Variants in ANO6 observed in about 807,000 individuals in gnomAD.
ANO6 encodes anoctamin 6.
A neutral mutation model predicts 117.5 loss-of-function variants in ANO6; 106 were observed. The observed-to-expected ratio is 0.90, with a 90% CI of 0.77 to 1.06. ANO6 has a LOEUF of 1.06. Ranked by LOEUF, ANO6 falls within the 50% of genes least tolerant of loss-of-function variation. The probability of loss-of-function intolerance (pLI) is 0.00; values close to 1 mark genes in which losing one functional copy is unlikely to be tolerated. For missense variants in ANO6, 955 were observed against 1,121.1 expected (o/e 0.85, Z 2.12); for synonymous variants, 367 against 385.1 (o/e 0.95, Z 0.55).
chr12:45,424,327 GTT>G lies in ANO6; in HGVS notation c.2526+1292_2526+1293del, dbSNP rs66945216. 7.3e-4 allele frequency among the ~76,000 whole-genome samples: 59 copies of G among 81,268 alleles called. 2 individuals are homozygous for G. Among genetic ancestry groups the G allele is most frequent in the African/African-American group, 2.2e-3 (45 of 20,284 alleles). 53.3% of individuals were successfully genotyped at this position (81,268 alleles called of 152,430 possible). ...AGAGAGAGGGAAAACTAGGTGATGG[GTT>G]TTTTTTTTTTTTTTTTTTTTTTTTT... On this transcript the variant is annotated intron_variant, in intron 19 of 19. Transcript: ENST00000320560.
intron 2 of ANO6, among the ~76,000 whole-genome samples, chr12:45,330,745 C>T (rs1239378481): frequency 1.3e-5 from 2 of 152,028 alleles, no homozygotes; most frequent in African/African-American, 4.8e-5. Context: ...ACACCAATGA[C>T]TAGTGCAGCT....
intron 19 of ANO6, among the ~76,000 whole-genome samples, chr12:45,424,083 TAGTATCTGACTCATGTC>T (rs1034725347): frequency 1.6e-4 from 25 of 152,096 alleles, no homozygotes; most frequent in Non-Finnish European, 2.9e-4. Flanking sequence ...AACTCACGGT[TAGTATCTGACTCATGTC>T]AGTATCTGAC....
chr12:45,367,550 G>GT lies in ANO6; in HGVS notation c.999-134dup, dbSNP rs1392091214. On this transcript the variant is annotated intron_variant, in intron 8 of 19. Transcript: ENST00000320560. ...TTTTTAATGAATTTTATGTAACAAAGTTTTATGTAACAGAAGTTCACTTCT... is the reference window on the plus strand; with the variant it reads ...TTTTTAATGAATTTTATGTAACAAAGTTTTTATGTAACAGAAGTTCACTTCT... 1.1e-5 allele frequency: 7 copies of GT among 660,932 alleles called. No individual in the cohort carries two copies. In the East Asian group the frequency reaches 1.9e-4, roughly 18 times the overall value. The allele number at this position is 660,932 out of a possible 1,614,324, so 40.9% of individuals were successfully genotyped here.
chr12:45,420,973 C>T (rs1423277659), intron 17 of ANO6, 98 bp from the exon 18 acceptor site: 18 of 1,330,310 alleles, frequency 1.4e-5, no homozygotes, highest in South Asian at 1.1e-4. Flanking sequence ...TGCAGTGAGC[C>T]GAGATCGTGC....
In ANO6 at chr12:45,409,599, G is replaced by C. The variant is rs73281581; in HGVS notation, c.2011+112G>C. ...ACATTTAGCATATTGAAATGAAGAA[G>C]AGTATGTTTTTCTCCACTAGATAAA... On this transcript the variant is annotated intron_variant, in intron 16 of 19. Transcript: ENST00000320560. 2.7e-3 allele frequency: 3,540 copies of C among 1,313,206 alleles called. 67 individuals are homozygous for C. In the African/African-American group the frequency reaches 0.046, roughly 17 times the overall value. 81.3% of individuals were successfully genotyped at this position (1,313,206 alleles called of 1,614,324 possible).
At position 45,245,421 on chromosome 12, in the gene ANO6, T is replaced by A. The variant is rs894179119; in HGVS notation, c.70+29030T>A. 3.2e-4 allele frequency among the ~76,000 whole-genome samples: 43 copies of A among 136,046 alleles called. No homozygotes were observed. The East Asian group carries it at 6.3e-3, about 20-fold the overall frequency. 89.3% of individuals were successfully genotyped at this position (136,046 alleles called of 152,430 possible). A position where few individuals can be genotyped will look rare whatever the true frequency, so the allele number is the denominator to read the frequency against. ...TCTGTCTTAAAAAACAAAAAACTGA[T>A]TTTTTTTTTTTTTTTTGTGGGGAGA... On this transcript the variant is annotated intron_variant, in intron 1 of 19. Transcript: ENST00000320560.
At chr12:45,228,304 T>C (rs1025428500) in intron 1 of ANO6, 1 of 311,132 alleles carries the variant, frequency 3.2e-6, no homozygotes, top group South Asian at 2.4e-5. Flanking sequence ...TTTTTTTTTT[T>C]TTTTTTTTTT....
intron 1 of ANO6, among the ~76,000 whole-genome samples, chr12:45,296,358 T>C (rs974726834): frequency 1.3e-5 from 2 of 152,194 alleles, no homozygotes; most frequent in African/African-American, 4.8e-5. Flanking sequence ...GGTTAGATTC[T>C]GTACCCTCCT....
At chr12:45,390,614 A>T (rs544449625) in intron 12 of ANO6, 116 bp downstream of exon 12, 1 of 935,502 alleles carries the variant, frequency 1.1e-6, no homozygotes, top group South Asian at 1.4e-5. Flanking sequence ...TGGAAACTAT[A>T]TGGTCTCAGA....
rs534382350 is a variant in ANO6 at position 45,360,582 on chromosome 12, G to A, written c.998+3158G>A. Among the ~76,000 whole-genome samples, 3 of 152,256 alleles carry A rather than the reference G, an allele frequency of 2.0e-5. No individual in the cohort carries two copies. The South Asian group carries it at 6.2e-4, about 32-fold the overall frequency. On this transcript the variant is annotated intron_variant, in intron 8 of 19. Transcript: ENST00000320560. ...GGATTGTGTTTTCACTTTCCTAATAGCATCCTTTGAAACAAAATTATTTTT... is the reference window on the plus strand; with the variant it reads ...GGATTGTGTTTTCACTTTCCTAATAACATCCTTTGAAACAAAATTATTTTT...
intron 1 of ANO6, among the ~76,000 whole-genome samples, chr12:45,240,465 C>T (rs1293675729): frequency 7.0e-6 from 1 of 143,712 alleles, no homozygotes; most frequent in Non-Finnish European, 1.5e-5. Context: ...AGATGGGTCT[C>T]CTGAATTCAG....
intron 8 of ANO6, among the ~76,000 whole-genome samples, chr12:45,363,017 G>A (rs959712124): frequency 1.3e-5 from 2 of 151,936 alleles, no homozygotes; most frequent in African/African-American, 4.8e-5. Context: ...GTGGATTTGA[G>A]TTACTGTCAT....
rs1034811027 is a variant in ANO6, at chr12:45,285,472, G to A, written c.71-16542G>A. ...TAAAAAGGCTACCGAGGCCGGGGGC[G>A]GTGGCTCACGCCTGTAATCCCAGCA... On this transcript the variant is annotated intron_variant, in intron 1 of 19. Coordinates refer to ENST00000320560, the MANE Select transcript of ANO6 (RefSeq NM_001025356.3). Among the ~76,000 whole-genome samples the A allele has an allele frequency of 1.8e-4, 28 of 152,166 alleles. 1 individual carries two copies. Among genetic ancestry groups the A allele is most frequent in the African/African-American group, 6.3e-4 (26 of 41,442 alleles).
At chr12:45,308,048 A>ATT (rs1218638312) in intron 2 of ANO6, among the ~76,000 whole-genome samples, 4,666 of 68,798 alleles carry the variant, frequency 0.068, 983 homozygotes, top group East Asian at 0.33. Context: ...TGTGTGTGTA[A>ATT]TTTTTTTTTT....
rs937493056 is a variant in ANO6 at position 45,216,147 on chromosome 12, G to C, written c.-175G>C. 8.8e-6 allele frequency: 6 copies of C among 679,114 alleles called. No homozygotes were observed. The highest frequency in any genetic ancestry group is 1.5e-5 in the Non-Finnish European group (6 of 402,424). 42.1% of individuals were successfully genotyped at this position (679,114 alleles called of 1,614,324 possible). A position where few individuals can be genotyped will look rare whatever the true frequency, so the allele number is the denominator to read the frequency against. On this transcript the variant is annotated 5_prime_UTR_variant, in exon 1 of 20. Coordinates refer to ENST00000320560, the MANE Select transcript of ANO6 (RefSeq NM_001025356.3). ...GAGGCGTCCTCCGGCTCTGGGCTCC[G>C]GTCGGTGGGTGCCTCGGCTCGGCTT...
chr12:45,350,247 T>A (rs1038246591), intron 6 of ANO6, among the ~76,000 whole-genome samples: 1 of 152,224 alleles, frequency 6.6e-6, no homozygotes, highest in African/African-American at 2.4e-5. Context: ...TTGACCCTGC[T>A]GCTAACCAGC....
intron 1 of ANO6, among the ~76,000 whole-genome samples, chr12:45,243,542 A>G (rs1421450276): frequency 1.3e-5 from 2 of 151,712 alleles, no homozygotes; most frequent in East Asian, 1.9e-4. Flanking sequence ...ATGTTTTGTG[A>G]ATAATTTTTT....
chr12:45,424,794 C>G (rs1481519496), intron 19 of ANO6, among the ~76,000 whole-genome samples: 1 of 152,062 alleles, frequency 6.6e-6, no homozygotes, highest in Non-Finnish European at 1.5e-5. Context: ...CTTGAGATTC[C>G]TGGATAAGCC....
In ANO6 at chr12:45,333,427, G is replaced by C. The variant is rs1940732732; in HGVS notation, c.279+2004G>C. 2.0e-5 allele frequency among the ~76,000 whole-genome samples: 3 copies of C among 151,966 alleles called. No homozygotes were observed. In the South Asian group the frequency reaches 6.2e-4, roughly 31 times the overall value. ...GGATCTGGATTGAGCAATATATAAAGTAAGTTAAACAGATCTAATACATTA... is the reference window on the plus strand; with the variant it reads ...GGATCTGGATTGAGCAATATATAAACTAAGTTAAACAGATCTAATACATTA... On this transcript the variant is annotated intron_variant, in intron 3 of 19. Coordinates refer to ENST00000320560, the MANE Select transcript of ANO6 (RefSeq NM_001025356.3).
Sources: allele counts gnomAD v4.1 joint callset (sites outside exome capture counted in the v4.1 genomes callset), GRCh38; gene constraint gnomAD v4.1.1; transcripts MANE v1.5; gene names NCBI Gene and HGNC (gene_info 2026-07-23, HGNC 2026-07-21).